PHKA2: variants seen among roughly 807,000 people sequenced by gnomAD.
The protein encoded by PHKA2 is phosphorylase b kinase regulatory subunit alpha, liver isoform.
A neutral mutation model predicts 102.0 loss-of-function variants in PHKA2; 31 were observed. The ratio of observed to expected loss-of-function variants is 0.30; its 90% CI spans 0.23 to 0.41. The LOEUF (loss-of-function observed/expected upper bound fraction) is 0.41, where lower values mean the gene tolerates loss of function less well. Ranked by LOEUF, PHKA2 falls within the 10% of genes least tolerant of loss-of-function variation. The probability of loss-of-function intolerance (pLI) is 1.00; values close to 1 mark genes in which losing one functional copy is unlikely to be tolerated. For synonymous variants in PHKA2, 455 were observed against 416.2 expected, an observed-to-expected ratio of 1.09 and a Z score of -1.13; for missense variants, 858 against 1,023.1, an observed-to-expected ratio of 0.84 and a Z score of 2.20.
intron 18 of PHKA2, among the ~76,000 whole-genome samples, chrX:18,919,074 C>T (rs1048684751): frequency 9.0e-6 from 1 of 110,853 alleles, no homozygotes; most frequent in Non-Finnish European, 1.9e-5. Flanking sequence ...AACTTTATCC[C>T]AGGAAAAAAA....
chrX:18,907,681 C>T (rs1365805051), intron 22 of PHKA2, among the ~76,000 whole-genome samples: 2 of 111,664 alleles, frequency 1.8e-5, no homozygotes, highest in Admixed American at 9.5e-5. Context: ...AGACTTTTTC[C>T]GTAGCCAAGA....
chrX:18,894,488 G>A lies in PHKA2; in HGVS notation c.3337-84C>T, dbSNP rs1013396308. 68 of 853,903 alleles carry A rather than the reference G, an allele frequency of 8.0e-5. No individual in the cohort carries two copies. The African/African-American group carries it at 1.2e-3, about 15-fold the overall frequency. 70.4% of individuals were successfully genotyped at this position (853,903 alleles called of 1,213,427 possible). ...AATCACCGAGTAACCAAGGGTGACC[G>A]TAGCAGTGCCTGGGCTCGGGGCTCA... On this transcript the variant is annotated intron_variant, in intron 31 of 32. Coordinates refer to ENST00000379942, the MANE Select transcript of PHKA2 (RefSeq NM_000292.3).
At chrX:18,909,108 T>C (rs1461427631) in intron 20 of PHKA2, among the ~76,000 whole-genome samples, 174 bp from the exon 21 acceptor site, 1 of 112,668 alleles carries the variant, frequency 8.9e-6, no homozygotes, top group Non-Finnish European at 1.9e-5. Flanking sequence ...GATCAGTGAA[T>C]CACTGTGCTG....
intron 12 of PHKA2, among the ~76,000 whole-genome samples, chrX:18,929,951 C>G (rs1030705749): frequency 3.6e-5 from 4 of 112,468 alleles, no homozygotes; most frequent in African/African-American, 1.3e-4. Flanking sequence ...AGGGAGGGAC[C>G]TGCCCCACAC....
At chrX:18,923,047 CTTTT>C (rs775796728) in intron 17 of PHKA2, among the ~76,000 whole-genome samples, 2 of 82,502 alleles carry the variant, frequency 2.4e-5, no homozygotes, top group East Asian at 3.9e-4. Context: ...TGAGATTCTC[CTTTT>C]TTTTTTTTTT....
chrX:18,914,155 A>G (rs1057367191), intron 19 of PHKA2, among the ~76,000 whole-genome samples: 4 of 112,704 alleles, frequency 3.5e-5, no homozygotes, highest in Non-Finnish European at 5.6e-5. Flanking sequence ...GCATGGTGCT[A>G]CAAAGTCACT....
intron 6 of PHKA2, among the ~76,000 whole-genome samples, chrX:18,944,532 C>G (rs1487937373): frequency 1.8e-5 from 2 of 111,729 alleles, no homozygotes; most frequent in African/African-American, 6.5e-5. Flanking sequence ...TGGTGACCCA[C>G]AGATCGAATC....
chrX:18,909,045 C>T (rs1032920513), intron 20 of PHKA2, 111 bp from the exon 21 acceptor site: 1 of 994,797 alleles, frequency 1.0e-6, no homozygotes, highest in Non-Finnish European at 1.4e-6. Context: ...GTGCTGTGCT[C>T]CAGTTTTCAA....
At position 18,935,907 on chromosome X, in the gene PHKA2, C is replaced by T. The variant is rs764466001; in HGVS notation, c.1137+148G>A. The stretch of plus-strand genomic sequence containing the variant: ...CTGGGATTACAGGCGTGAGCCACCG[C>T]GCCCAGCCTACCTAAGGCTTTTGAA... On this transcript the variant is annotated intron_variant, in intron 11 of 32. Coordinates refer to ENST00000379942, the MANE Select transcript of PHKA2 (RefSeq NM_000292.3). 157 of 500,240 alleles carry T rather than the reference C, an allele frequency of 3.1e-4. No individual in the cohort carries two copies. In the South Asian group the frequency reaches 3.3e-3, roughly 11 times the overall value. The allele number at this position is 500,240 out of a possible 1,213,427, so 41.2% of individuals were successfully genotyped here.
At chrX:18,968,014 T>A (rs1250101045) in intron 1 of PHKA2, among the ~76,000 whole-genome samples, 4 of 111,735 alleles carry the variant, frequency 3.6e-5, no homozygotes, top group Non-Finnish European at 7.5e-5. Flanking sequence ...GAAAAATTTT[T>A]AAATATTTAC....
intron 8 of PHKA2, 136 bp from the exon 9 acceptor site, chrX:18,940,184 T>G: frequency 2.0e-6 from 1 of 506,034 alleles, no homozygotes; most frequent in Non-Finnish European, 3.5e-6. Context: ...GTCAGTATAG[T>G]TATTAATATA....
intron 1 of PHKA2, among the ~76,000 whole-genome samples, chrX:18,977,327 C>T (rs2049103577): frequency 8.9e-6 from 1 of 112,319 alleles, no homozygotes; most frequent in South Asian, 3.6e-4. Flanking sequence ...TCTGTCATCA[C>T]TTTTTGAAAA....
At chrX:18,895,530 G>T in intron 30 of PHKA2, 1 of 271,508 alleles carries the variant, frequency 3.7e-6, no homozygotes, top group Non-Finnish European at 6.6e-6. Flanking sequence ...TAATAAAGGG[G>T]GATTTTCATG....
intron 21 of PHKA2, 59 bp downstream of exon 21, chrX:18,908,742 C>T: frequency 1.0e-6 from 1 of 989,955 alleles, no homozygotes; most frequent in Non-Finnish European, 1.4e-6. Flanking sequence ...TCTGTTGTTC[C>T]TAAGCCAATC....
intron 1 of PHKA2, among the ~76,000 whole-genome samples, chrX:18,956,580 G>A (rs961474728): frequency 3.6e-5 from 4 of 112,067 alleles, no homozygotes; most frequent in Admixed American, 1.9e-4. Context: ...CTTTAGACAC[G>A]CTTAACTGTT....
In PHKA2 at chrX:18,906,979, T is replaced by C. The variant is rs372707700; in HGVS notation, c.2597+39A>G. The C allele has an allele frequency of 2.8e-4, 314 of 1,117,341 alleles. 2 individuals are homozygous for C. The African/African-American group carries it at 5.3e-3, about 19-fold the overall frequency. 92.1% of individuals were successfully genotyped at this position (1,117,341 alleles called of 1,213,427 possible). ...TGGGAAGCGCTGTTTTCCCCATGGC[T>C]CCCCCGCAAACCTGAGGTCCCCAAG... is the stretch of plus-strand genomic sequence containing the variant. On this transcript the variant is annotated intron_variant, in intron 23 of 32. Transcript: ENST00000379942.
intron 1 of PHKA2, among the ~76,000 whole-genome samples, chrX:18,983,397 T>G (rs2049207496): frequency 8.9e-6 from 1 of 112,401 alleles, no homozygotes; most frequent in African/African-American, 3.2e-5. Context: ...CCCTAAGGGC[T>G]TCCCAGGTGG....
At chrX:18,972,027 T>C (rs2049025260) in intron 1 of PHKA2, among the ~76,000 whole-genome samples, 1 of 113,159 alleles carries the variant, frequency 8.8e-6, no homozygotes, top group Admixed American at 9.3e-5. Flanking sequence ...TTATGATTTT[T>C]ATGATTAGTT....
chrX:18,983,574 A>C (rs1255775340), intron 1 of PHKA2, among the ~76,000 whole-genome samples: 5 of 112,216 alleles, frequency 4.5e-5, no homozygotes, highest in Non-Finnish European at 7.5e-5. Context: ...AGTCAATGCA[A>C]AAAGAGGCAG....
Sources: allele counts gnomAD v4.1 joint callset (sites outside exome capture counted in the v4.1 genomes callset), GRCh38; gene constraint gnomAD v4.1.1; transcripts MANE v1.5; gene names NCBI Gene and HGNC (gene_info 2026-07-23, HGNC 2026-07-21).